The following SPAG16 variants were observed in gnomAD, a reference collection of about 807,000 sequenced individuals.
SPAG16 encodes the protein sperm associated antigen 16, also known as sperm-associated antigen 16 protein.
A neutral mutation model predicts 80.4 loss-of-function variants in SPAG16; 86 were observed. That is an observed-to-expected ratio of 1.07 (90% CI 0.90 to 1.28). SPAG16 has a LOEUF of 1.28. SPAG16 is among the 50% of genes most tolerant of loss of function. The pLI is 0.00. For missense variants in SPAG16, 870 were observed against 765.3 expected, an observed-to-expected ratio of 1.14 and a Z score of -1.61; for synonymous variants, 294 against 265.9, an observed-to-expected ratio of 1.11 and a Z score of -1.03.
chr2:214,197,846 C>A (rs1372013987), intron 15 of SPAG16, among the ~76,000 whole-genome samples: 1 of 151,390 alleles, frequency 6.6e-6, no homozygotes, highest in Non-Finnish European at 1.5e-5. Context: ...ATATTAAACA[C>A]CCAGATTTCT....
intron 13 of SPAG16, among the ~76,000 whole-genome samples, chr2:214,074,438 CA>C (rs1219242061): frequency 6.6e-6 from 1 of 151,842 alleles, no homozygotes; most frequent in Non-Finnish European, 1.5e-5. Context: ...AAGTGAAGTG[CA>C]AAGCAATAAT....
intron 15 of SPAG16, among the ~76,000 whole-genome samples, chr2:214,370,816 G>GA (rs2126087450): frequency 6.6e-6 from 1 of 152,224 alleles, no homozygotes; most frequent in East Asian, 1.9e-4. Flanking sequence ...CCATTTTATT[G>GA]AAAAATCTAA....
At chr2:213,789,006 A>G (rs2070519870) in intron 10 of SPAG16, among the ~76,000 whole-genome samples, 3 of 151,888 alleles carry the variant, frequency 2.0e-5, no homozygotes, top group Admixed American at 2.0e-4. Flanking sequence ...AGGAGTCTGA[A>G]CGTTTTTCCT....
At chr2:213,583,758 A>G (rs988529446) in intron 10 of SPAG16, among the ~76,000 whole-genome samples, 1 of 152,206 alleles carries the variant, frequency 6.6e-6, no homozygotes, top group Non-Finnish European at 1.5e-5. Context: ...CTTCATTATG[A>G]TATCTTGACT....
At chr2:213,446,658 G>A (rs181727098) in intron 9 of SPAG16, among the ~76,000 whole-genome samples, 71 of 152,198 alleles carry the variant, frequency 4.7e-4, no homozygotes, top group African/African-American at 1.6e-3. Context: ...ATTCTTATCG[G>A]GCTTATGTGC....
intron 9 of SPAG16, among the ~76,000 whole-genome samples, chr2:213,478,362 A>T (rs188998565): frequency 0.096 from 14,577 of 152,184 alleles, 1,797 homozygotes; most frequent in African/African-American, 0.29. Flanking sequence ...AGCTGTTTAG[A>T]TATCTTAAGT....
At chr2:213,653,840 A>G (rs1032757490) in intron 10 of SPAG16, among the ~76,000 whole-genome samples, 4 of 152,122 alleles carry the variant, frequency 2.6e-5, no homozygotes, top group Admixed American at 6.6e-5. Context: ...TATATTCTAT[A>G]TATAAAACAT....
intron 14 of SPAG16, among the ~76,000 whole-genome samples, chr2:214,108,483 C>A (rs111564374): frequency 0.23 from 29,807 of 127,076 alleles, 3,571 homozygotes; most frequent in Non-Finnish European, 0.31. Context: ...ACACACACCC[C>A]CACACACACC....
chr2:214,350,291 C>T (rs1259093528), intron 15 of SPAG16, among the ~76,000 whole-genome samples: 1 of 152,204 alleles, frequency 6.6e-6, no homozygotes, highest in Non-Finnish European at 1.5e-5. Flanking sequence ...TCTTCTCGGA[C>T]TCCAGTTGCA....
At chr2:213,761,350 T>G (rs988751056) in intron 10 of SPAG16, among the ~76,000 whole-genome samples, 2 of 152,020 alleles carry the variant, frequency 1.3e-5, no homozygotes, top group African/African-American at 4.8e-5. Flanking sequence ...TGTATGGAAC[T>G]AGAAAAATAA....
intron 10 of SPAG16, among the ~76,000 whole-genome samples, chr2:213,861,852 T>G (rs1204602715): frequency 6.6e-6 from 1 of 152,216 alleles, no homozygotes; most frequent in Non-Finnish European, 1.5e-5. Context: ...TATGCCTTTA[T>G]AGAGTGGGAA....
intron 10 of SPAG16, among the ~76,000 whole-genome samples, chr2:213,834,630 A>G (rs1004017878): frequency 3.3e-5 from 5 of 152,004 alleles, no homozygotes; most frequent in Non-Finnish European, 7.4e-5. Flanking sequence ...AGTTTCTATG[A>G]TTCCCCTCAG....
chr2:213,361,466 A>AAGT (rs2065974276), intron 7 of SPAG16, among the ~76,000 whole-genome samples: 1 of 151,204 alleles, frequency 6.6e-6, no homozygotes, highest in Non-Finnish European at 1.5e-5. Context: ...AGAAGTAGTG[A>AAGT]CACTCCACCA....
chr2:214,364,936 G>A (rs1296598442), intron 15 of SPAG16, among the ~76,000 whole-genome samples: 1 of 152,134 alleles, frequency 6.6e-6, no homozygotes. Context: ...AGTATGTCAT[G>A]TGAAATGGTA....
At chr2:214,184,463 CT>C (rs1157954298) in intron 15 of SPAG16, among the ~76,000 whole-genome samples, 1 of 151,984 alleles carries the variant, frequency 6.6e-6, no homozygotes, top group Non-Finnish European at 1.5e-5. Flanking sequence ...AATGTTTACA[CT>C]GATTTGTTTT....
At chr2:213,332,975 T>C (rs547195443) in intron 5 of SPAG16, among the ~76,000 whole-genome samples, 84 of 152,106 alleles carry the variant, frequency 5.5e-4, no homozygotes, top group Middle Eastern at 3.4e-3. Context: ...AGGATGCCCA[T>C]TGTCACCACT....
At chr2:213,911,058 C>T (rs1157888567) in intron 11 of SPAG16, among the ~76,000 whole-genome samples, 1 of 152,036 alleles carries the variant, frequency 6.6e-6, no homozygotes, top group Non-Finnish European at 1.5e-5. Context: ...CACTTCAGTA[C>T]ATTTCTTTAA....
At chr2:213,699,174 T>C (rs774431034) in intron 10 of SPAG16, among the ~76,000 whole-genome samples, 1 of 152,176 alleles carries the variant, frequency 6.6e-6, no homozygotes, top group African/African-American at 2.4e-5. Flanking sequence ...CCTATTACTC[T>C]TGTATTATTT....
At chr2:213,985,998 G>GT (rs959878912) in intron 12 of SPAG16, among the ~76,000 whole-genome samples, 4 of 152,046 alleles carry the variant, frequency 2.6e-5, no homozygotes, top group Non-Finnish European at 5.9e-5. Flanking sequence ...AAAAGGAGTT[G>GT]TTTTTTGCAC....
Sources: allele counts gnomAD v4.1 joint callset (sites outside exome capture counted in the v4.1 genomes callset), GRCh38; gene constraint gnomAD v4.1.1; transcripts MANE v1.5; gene names NCBI Gene and HGNC (gene_info 2026-07-23, HGNC 2026-07-21).